XKR4: variants seen among roughly 807,000 people sequenced by gnomAD.
The protein encoded by XKR4 is XK-related protein 4.
A neutral mutation model predicts 53.9 loss-of-function variants in XKR4; 12 were observed. That is an observed-to-expected ratio of 0.22 (90% CI 0.14 to 0.36). The LOEUF is 0.36. XKR4 is among the 10% of genes least tolerant of loss of function. The pLI, the probability that XKR4 is intolerant of heterozygous loss-of-function variation, is 1.00. For synonymous variants in XKR4, 354 were observed against 362.4 expected (o/e 0.98, Z 0.26); for missense variants, 799 against 859.5 (o/e 0.93, Z 0.88).
chr8:55,247,782 A>G (rs1310794797), intron 1 of XKR4, among the ~76,000 whole-genome samples: 1 of 149,962 alleles, frequency 6.7e-6, no homozygotes, highest in Non-Finnish European at 1.5e-5. Flanking sequence ...CTACTGGGCT[A>G]CTCTTTCAGT....
intron 1 of XKR4, among the ~76,000 whole-genome samples, chr8:55,342,077 C>A (rs567138058): frequency 6.6e-6 from 1 of 152,158 alleles, no homozygotes; most frequent in African/African-American, 2.4e-5. Flanking sequence ...TTAAACTGTC[C>A]AAAGCTCATC....
intron 1 of XKR4, among the ~76,000 whole-genome samples, chr8:55,343,546 CCAAACCTGCCAATGTACGCTGGGAGCAGA>C (rs1000827212): frequency 7.9e-5 from 12 of 152,198 alleles, no homozygotes; most frequent in African/African-American, 2.9e-4. Flanking sequence ...AAACTGTAGA[CCAAACCTGCCAATGTACGCTGGGAGCAGA>C]CAAACATTGT....
intron 2 of XKR4, among the ~76,000 whole-genome samples, chr8:55,520,653 G>T (rs1392774488): frequency 6.6e-6 from 1 of 152,090 alleles, no homozygotes; most frequent in Admixed American, 6.5e-5. Flanking sequence ...TCATAAAGAG[G>T]GTATCACAGG....
Position 55,197,455 on chromosome 8 carries a change from C to T in XKR4, c.806+94161C>T, listed in dbSNP as rs1009793304. 2.6e-5 allele frequency among the ~76,000 whole-genome samples: 4 copies of T among 152,176 alleles called. No homozygotes were observed. In the South Asian group the frequency reaches 8.3e-4, roughly 32 times the overall value. ...CTTTGTGATATCTTTAATGTGATTA[C>T]ATGAATGGATAAAATAAGCTCCATA... is the stretch of plus-strand genomic sequence containing the variant. On this transcript the variant is annotated intron_variant, in intron 1 of 2. Coordinates refer to ENST00000327381, the MANE Select transcript of XKR4 (RefSeq NM_052898.2).
chr8:55,211,180 T>C (rs1042622121), intron 1 of XKR4, among the ~76,000 whole-genome samples: 1 of 152,228 alleles, frequency 6.6e-6, no homozygotes, highest in African/African-American at 2.4e-5. Context: ...CACATTCAAA[T>C]TGTGTTCTTA....
intron 2 of XKR4, among the ~76,000 whole-genome samples, chr8:55,484,464 T>C (rs1445184146): frequency 2.0e-5 from 3 of 152,204 alleles, no homozygotes; most frequent in Admixed American, 1.3e-4. Context: ...TAAAAGAGAA[T>C]GATACACCAT....
At chr8:55,190,174 T>C (rs769232845) in intron 1 of XKR4, among the ~76,000 whole-genome samples, 3 of 152,194 alleles carry the variant, frequency 2.0e-5, no homozygotes, top group Non-Finnish European at 4.4e-5. Context: ...GTGCAGTTTC[T>C]TTTCCTAAGC....
rs1585945374 is a variant in XKR4 at position 55,216,958 on chromosome 8, C to T, written c.806+113664C>T. Among the ~76,000 whole-genome samples the T allele has an allele frequency of 2.0e-5, 3 of 152,096 alleles. 1 individual carries two copies. In the East Asian group the frequency reaches 5.8e-4, roughly 29 times the overall value. On this transcript the variant is annotated intron_variant, in intron 1 of 2. Transcript: ENST00000327381. ...AATATGCAAAAAAGACATGGATAGT[C>T]CTTGCCAGGCGCAGTGGCTTACGCC... is the stretch of plus-strand genomic sequence containing the variant.
chr8:55,469,850 C>G (rs976083095), intron 2 of XKR4, among the ~76,000 whole-genome samples: 4 of 152,088 alleles, frequency 2.6e-5, no homozygotes, highest in African/African-American at 7.3e-5. Context: ...TGCCCTTTAA[C>G]AGGACCTGGT....
At chr8:55,249,105 C>G (rs1185553295) in intron 1 of XKR4, among the ~76,000 whole-genome samples, 1 of 152,120 alleles carries the variant, frequency 6.6e-6, no homozygotes, top group Non-Finnish European at 1.5e-5. Context: ...AGTTCTTATT[C>G]TGGTCAGATA....
At chr8:55,404,902 C>A (rs1367772231) in intron 2 of XKR4, among the ~76,000 whole-genome samples, 1 of 152,162 alleles carries the variant, frequency 6.6e-6, no homozygotes, top group Non-Finnish European at 1.5e-5. Context: ...AATGGTAACT[C>A]CTGCCTGACA....
chr8:55,335,617 T>A (rs1803448955), intron 1 of XKR4, among the ~76,000 whole-genome samples: 1 of 152,192 alleles, frequency 6.6e-6, no homozygotes, highest in South Asian at 2.1e-4. Flanking sequence ...CACAAAATCC[T>A]GTATTTGAAT....
chr8:55,327,441 C>T (rs1399655168), intron 1 of XKR4, among the ~76,000 whole-genome samples: 1 of 151,816 alleles, frequency 6.6e-6, no homozygotes, highest in African/African-American at 2.4e-5. Flanking sequence ...TCATAAAGTA[C>T]ACAAACTACT....
At chr8:55,427,815 T>C (rs80131947) in intron 2 of XKR4, among the ~76,000 whole-genome samples, 13,381 of 152,176 alleles carry the variant, frequency 0.088, 1,319 homozygotes, top group African/African-American at 0.24. Flanking sequence ...CCAACAAATG[T>C]TTATTAATCC....
intron 1 of XKR4, among the ~76,000 whole-genome samples, chr8:55,126,287 G>C (rs926912823): frequency 1.3e-5 from 2 of 152,124 alleles, no homozygotes; most frequent in African/African-American, 2.4e-5. Flanking sequence ...TTGTTCTTCT[G>C]GGGAAACAGT....
chr8:55,452,182 C>A, intron 2 of XKR4: 1 of 723,828 alleles, frequency 1.4e-6, no homozygotes, highest in South Asian at 1.7e-5. Context: ...TCGGCACTGT[C>A]AGACCCCACC....
At chr8:55,337,404 A>G (rs542834412) in intron 1 of XKR4, among the ~76,000 whole-genome samples, 2 of 152,152 alleles carry the variant, frequency 1.3e-5, no homozygotes, top group South Asian at 4.2e-4. Flanking sequence ...GCAATTTAAT[A>G]TTTCTTTATG....
At chr8:55,188,665 G>A (rs1817408637) in intron 1 of XKR4, among the ~76,000 whole-genome samples, 1 of 152,148 alleles carries the variant, frequency 6.6e-6, no homozygotes, top group African/African-American at 2.4e-5. Flanking sequence ...AAGAGTTTTT[G>A]GGTCTAGGGT....
At chr8:55,466,152 A>G (rs1417033477) in intron 2 of XKR4, among the ~76,000 whole-genome samples, 2 of 152,168 alleles carry the variant, frequency 1.3e-5, no homozygotes, top group Admixed American at 6.5e-5. Context: ...TACCCAAAGG[A>G]TTATAAATCA....
Sources: allele counts gnomAD v4.1 joint callset (sites outside exome capture counted in the v4.1 genomes callset), GRCh38; gene constraint gnomAD v4.1.1; transcripts MANE v1.5; gene names NCBI Gene and HGNC (gene_info 2026-07-23, HGNC 2026-07-21).